B3GALNT2: variants seen among roughly 807,000 people sequenced by gnomAD.
The protein encoded by B3GALNT2 is beta-1,3-N-acetylgalactosaminyltransferase 2, also known as UDP-GalNAc:beta-1,3-N-acetylgalactosaminyltransferase 2.
Under a neutral mutation model 61.1 loss-of-function variants are expected in B3GALNT2, and 53 were observed. The ratio of observed to expected loss-of-function variants is 0.87; its 90% CI spans 0.70 to 1.09. B3GALNT2 has a LOEUF of 1.09. B3GALNT2 is among the 50% of genes least tolerant of loss of function. The pLI is 0.00. For missense variants in B3GALNT2, 544 were observed against 623.0 expected, an observed-to-expected ratio of 0.87 and a Z score of 1.35; for synonymous variants, 223 against 237.4, an observed-to-expected ratio of 0.94 and a Z score of 0.56.
In B3GALNT2 at chr1:235,449,065, A is replaced by C. The variant is rs952106324; in HGVS notation, c.*1141T>G. ...AAATAGAAAGAAACTAGCTAGCCTA[A>C]TAAAATCTGAACACAGTTAATATCT... On this transcript the variant is annotated 3_prime_UTR_variant, in exon 12 of 12. Coordinates refer to ENST00000366600, the MANE Select transcript of B3GALNT2 (RefSeq NM_152490.5). The C allele has an allele frequency of 3.0e-6, 1 of 334,952 alleles. No individual in the cohort carries two copies. The highest frequency in any genetic ancestry group is 5.7e-6 in the Non-Finnish European group (1 of 175,668). The allele number at this position is 334,952 out of a possible 1,614,324, so 20.7% of individuals were successfully genotyped here. A position where few individuals can be genotyped will look rare whatever the true frequency, so the allele number is the denominator to read the frequency against.
intron 4 of B3GALNT2, among the ~76,000 whole-genome samples, chr1:235,480,377 G>A (rs949605349): frequency 6.6e-6 from 1 of 151,686 alleles, no homozygotes; most frequent in Non-Finnish European, 1.5e-5. Flanking sequence ...ATTCTCAAAT[G>A]CTAAACATAA....
chr1:235,445,476 A>G (rs1315409603), downstream of B3GALNT2, among the ~76,000 whole-genome samples: 1 of 152,080 alleles, frequency 6.6e-6, no homozygotes, highest in African/African-American at 2.4e-5. Context: ...AAAAATAAAT[A>G]AATACAAAAA....
chr1:235,468,264 T>C (rs1488761065), intron 6 of B3GALNT2, among the ~76,000 whole-genome samples: 1 of 152,204 alleles, frequency 6.6e-6, no homozygotes, highest in Non-Finnish European at 1.5e-5. Context: ...GCATTTGTGA[T>C]GAAAATCTTA....
intron 5 of B3GALNT2, among the ~76,000 whole-genome samples, chr1:235,474,987 A>ATATTTTTTTTTTT (rs1180244284): frequency 8.4e-5 from 3 of 35,574 alleles, no homozygotes; most frequent in East Asian, 8.9e-4. Flanking sequence ...ATATATATAT[A>ATATTTTTTTTTTT]TTTTTTTTTT....
intron 7 of B3GALNT2, chr1:235,465,405 G>A: frequency 2.1e-6 from 1 of 481,742 alleles, no homozygotes; most frequent in Non-Finnish European, 3.4e-6. Context: ...GGGGGTTGGG[G>A]AGGTAAGAAT....
Position 235,495,430 on chromosome 1 carries a change from AC to A in B3GALNT2, c.113-603del, listed in dbSNP as rs1395668324. Among the ~76,000 whole-genome samples, 4 of 152,176 alleles carry A rather than the reference AC, an allele frequency of 2.6e-5. No homozygotes were observed. The East Asian group carries it at 7.7e-4, about 29-fold the overall frequency. ...GCGGATGACGCTGAAGGACTTCCAT[AC>A]CGGAAAGTAATGCAACCCTTATTTA... On this transcript the variant is annotated intron_variant, in intron 1 of 11. Transcript: ENST00000366600.
the B3GALNT2 span, among the ~76,000 whole-genome samples, chr1:235,442,177 T>A: frequency 6.6e-6 from 1 of 152,020 alleles, no homozygotes; most frequent in African/African-American, 2.4e-5. Flanking sequence ...CCCGGCTAAT[T>A]TTTTTTAATC....
chr1:235,478,822 G>A (rs886878874), intron 5 of B3GALNT2: 2 of 152,212 alleles, frequency 1.3e-5, no homozygotes, highest in Non-Finnish European at 2.9e-5. Flanking sequence ...ACACATAGAA[G>A]CAAAAATGTT....
At chr1:235,503,394 C>T (rs776008498) in intron 1 of B3GALNT2, among the ~76,000 whole-genome samples, 1 of 152,202 alleles carries the variant, frequency 6.6e-6, no homozygotes, top group Non-Finnish European at 1.5e-5. Context: ...GTAAGTAAAG[C>T]ATTCTATTAG....
intron 3 of B3GALNT2, among the ~76,000 whole-genome samples, chr1:235,487,136 G>C (rs186493945): frequency 7.1e-4 from 107 of 151,048 alleles, no homozygotes; most frequent in African/African-American, 2.3e-3. Context: ...ACTCCAGTCT[G>C]GGTGACAAGA....
At chr1:235,500,370 G>C (rs1222088085) in intron 1 of B3GALNT2, among the ~76,000 whole-genome samples, 1 of 152,168 alleles carries the variant, frequency 6.6e-6, no homozygotes, top group Non-Finnish European at 1.5e-5. Context: ...GCACACACAT[G>C]TAACAGAGGC....
At position 235,504,050 on chromosome 1, in the gene B3GALNT2, C is replaced by A. The variant is rs924957594; in HGVS notation, c.112+91G>T. ...ACCGTCGCGTTTGGCCCTTCCCCCG[C>A]CTCCAACAATTCCCGGCGAAGCCCC... On this transcript the variant is annotated intron_variant, in intron 1 of 11. Coordinates refer to ENST00000366600, the MANE Select transcript of B3GALNT2 (RefSeq NM_152490.5). 3.4e-6 allele frequency: 4 copies of A among 1,186,140 alleles called. No individual in the cohort carries two copies. The African/African-American group carries it at 4.8e-5, about 14-fold the overall frequency. 73.5% of individuals were successfully genotyped at this position (1,186,140 alleles called of 1,614,324 possible). A position where few individuals can be genotyped will look rare whatever the true frequency, so the allele number is the denominator to read the frequency against.
chr1:235,480,664 G>T (rs1171352973), intron 4 of B3GALNT2, among the ~76,000 whole-genome samples: 1 of 151,920 alleles, frequency 6.6e-6, no homozygotes, highest in Non-Finnish European at 1.5e-5. Flanking sequence ...CACCACTTTG[G>T]GAGGCTGAGG....
At chr1:235,487,332 G>C (rs1406992778) in intron 3 of B3GALNT2, among the ~76,000 whole-genome samples, 1 of 152,140 alleles carries the variant, frequency 6.6e-6, no homozygotes, top group African/African-American at 2.4e-5. Context: ...TATTTAAAAA[G>C]CTGTTTGAAA....
At chr1:235,474,996 T>TTTTA in intron 5 of B3GALNT2, among the ~76,000 whole-genome samples, 1 of 96,722 alleles carries the variant, frequency 1.0e-5, no homozygotes, top group Non-Finnish European at 2.1e-5. Flanking sequence ...TATTTTTTTT[T>TTTTA]TTTTTTTTTT....
chr1:235,455,804 C>T, intron 8 of B3GALNT2, 120 bp from the exon 9 acceptor site: 2 of 1,255,280 alleles, frequency 1.6e-6, no homozygotes, highest in Middle Eastern at 1.9e-4. Flanking sequence ...TCTTATTCCT[C>T]AAATGTTGAG....
intron 2 of B3GALNT2, 94 bp downstream of exon 2, chr1:235,494,587 G>A: frequency 7.4e-7 from 1 of 1,355,554 alleles, no homozygotes; most frequent in Non-Finnish European, 1.0e-6. Context: ...CTCCCCGGTA[G>A]CTGGGACGAC....
intron 10 of B3GALNT2, among the ~76,000 whole-genome samples, chr1:235,453,626 T>C (rs951671341): frequency 1.3e-5 from 2 of 152,150 alleles, no homozygotes; most frequent in Non-Finnish European, 2.9e-5. Flanking sequence ...TTTGTATTTT[T>C]AGTAGAGATA....
At chr1:235,442,008 ATTTT>A in the B3GALNT2 span, 67 of 596,256 alleles carry the variant, frequency 1.1e-4, no homozygotes, top group Non-Finnish European at 1.6e-4. Context: ...TTAAATGAAA[ATTTT>A]TTTTTTTTTT....
Sources: gnomAD v4.1 joint callset for allele counts (sites outside exome capture counted in the v4.1 genomes callset) on GRCh38, gnomAD v4.1.1 for gene constraint, MANE v1.5 for transcripts, NCBI Gene and HGNC (gene_info 2026-07-23, HGNC 2026-07-21) for gene names.